The following HTR2A variants were observed in gnomAD, a reference collection of about 807,000 sequenced individuals.
HTR2A encodes 5-hydroxytryptamine receptor 2A, also known as 5-HT2 receptor.
A neutral mutation model predicts 31.0 loss-of-function variants in HTR2A; 14 were observed. The observed-to-expected ratio is 0.45, with a 90% CI of 0.30 to 0.71. The LOEUF (loss-of-function observed/expected upper bound fraction) is 0.71. Among genes scored for constraint, HTR2A ranks in the 30% least tolerant of loss-of-function variants. HTR2A has a pLI of 0.09. For synonymous variants in HTR2A, 209 were observed against 225.2 expected, an observed-to-expected ratio of 0.93 and a Z score of 0.64; for missense variants, 442 against 573.3, an observed-to-expected ratio of 0.77 and a Z score of 2.34.
At chr13:46,880,111 G>A (rs1950948668) in intron 3 of HTR2A, among the ~76,000 whole-genome samples, 1 of 152,190 alleles carries the variant, frequency 6.6e-6, no homozygotes. Flanking sequence ...AATTCGCAGA[G>A]TAAAATTTTC....
intron 3 of HTR2A, among the ~76,000 whole-genome samples, chr13:46,860,187 T>C (rs748179829): frequency 3.0e-4 from 45 of 152,156 alleles, no homozygotes; most frequent in Non-Finnish European, 6.2e-4. Flanking sequence ...TGTGTGTTGG[T>C]TGGTGTCTGT....
intron 3 of HTR2A, among the ~76,000 whole-genome samples, chr13:46,856,950 TCATC>T (rs1369866491): frequency 1.3e-5 from 2 of 152,156 alleles, no homozygotes; most frequent in African/African-American, 2.4e-5. Flanking sequence ...CCTAGCATCT[TCATC>T]CATTCAGGCT....
Position 46,892,544 on chromosome 13 carries a change from G to C in HTR2A, c.459C>G (p.Tyr153Ter), listed in dbSNP as rs1566321460. The C allele has an allele frequency of 1.2e-6, 2 of 1,614,084 alleles. No homozygotes were observed. Among genetic ancestry groups the C allele is most frequent in the Non-Finnish European group, 1.7e-6 (2 of 1,180,042 alleles). Residue 153 changes from tyrosine to a stop codon, truncating the protein, a stop_gained, in exon 3 of 4, where the codon TAC (tyrosine) becomes TAG (stop). Transcript: ENST00000542664. LOFTEE classifies it high-confidence loss of function. The part of the protein sequence containing the change: ...LPSKLCAVWI[Y>*]LDVLFSTASI... ...AGGCCGTGGAGAAGAGCACGTCCAG[G>C]TAAATCCAGACTGCACAAAGCTTGC...
intron 3 of HTR2A, among the ~76,000 whole-genome samples, chr13:46,870,763 A>T (rs1409598269): frequency 6.6e-6 from 1 of 152,204 alleles, no homozygotes; most frequent in African/African-American, 2.4e-5. Flanking sequence ...GATTAGTGAC[A>T]TTAGAGCTAA....
chr13:46,834,983 G>A lies in HTR2A; in HGVS notation c.1270C>T (p.Leu424Phe), dbSNP rs771799117. 6.2e-7 allele frequency: 1 copy of A among 1,614,110 alleles called. No individual in the cohort carries two copies. Among genetic ancestry groups the A allele is most frequent in the South Asian group, 1.1e-5 (1 of 91,082 alleles). ...GAATTCTTTTTTTGTCCCATTTGAAGTTGGCTAGACTTGTAGGCCAAAGCC... is the reference window on the plus strand; with the variant it reads ...GAATTCTTTTTTTGTCCCATTTGAAATTGGCTAGACTTGTAGGCCAAAGCC... ...IPALAYKSSQ[L>F]QMGQKKNSKQ... Residue 424 changes from leucine to phenylalanine, a missense_variant, in exon 4 of 4, where the codon CTT becomes TTT. Leu to Phe is a conservative substitution (Grantham distance 22). This residue lies in a region of HTR2A where 88 missense variants were observed against 83.1 expected (regional missense o/e 1.06). Coordinates refer to ENST00000542664, the MANE Select transcript of HTR2A (RefSeq NM_000621.5).
chr13:46,896,210 T>C lies in HTR2A; in HGVS notation c.-304A>G, dbSNP rs1195475482. The C allele has an allele frequency of 2.6e-6, 3 of 1,156,906 alleles. No individual in the cohort carries two copies. The highest frequency in any genetic ancestry group is 3.2e-6 in the Non-Finnish European group (3 of 941,304). 71.7% of individuals were successfully genotyped at this position (1,156,906 alleles called of 1,614,324 possible). A position where few individuals can be genotyped will look rare whatever the true frequency, so the allele number is the denominator to read the frequency against. On this transcript the variant is annotated 5_prime_UTR_variant, in exon 2 of 4. Transcript: ENST00000542664. Reference sequence around the variant, plus strand: ...TAGCATAGAGGTTGCAGGGTTTTTTTTGAGCGCTCGGGAAGATAAATGTCC... The same window carrying C: ...TAGCATAGAGGTTGCAGGGTTTTTTCTGAGCGCTCGGGAAGATAAATGTCC...
At position 46,852,985 on chromosome 13, in the gene HTR2A, A is replaced by C. The variant is rs190835500; in HGVS notation, c.614-17346T>G. On this transcript the variant is annotated intron_variant, in intron 3 of 3. Transcript: ENST00000542664. ...GTTCTAGGGCTTTTTTTTTTCCTATAAAGTTCCTGGTAATTCTTATCTGAT... is the reference window on the plus strand; with the variant it reads ...GTTCTAGGGCTTTTTTTTTTCCTATCAAGTTCCTGGTAATTCTTATCTGAT... Among the ~76,000 whole-genome samples the C allele has an allele frequency of 2.0e-4, 30 of 150,102 alleles. 1 individual carries two copies. In the South Asian group the frequency reaches 2.5e-3, roughly 13 times the overall value.
intron 3 of HTR2A, among the ~76,000 whole-genome samples, chr13:46,847,640 T>C (rs1344829085): frequency 6.6e-6 from 1 of 152,218 alleles, no homozygotes; most frequent in African/African-American, 2.4e-5. Flanking sequence ...TGGGTTCTTC[T>C]TTATTTCCAT....
At chr13:46,842,176 C>G (rs1284425206) in intron 3 of HTR2A, among the ~76,000 whole-genome samples, 1 of 152,166 alleles carries the variant, frequency 6.6e-6, no homozygotes, top group Non-Finnish European at 1.5e-5. Flanking sequence ...AGACCTGCCT[C>G]CTTCTTTTTT....
chr13:46,867,510 T>C (rs181707806), intron 3 of HTR2A, among the ~76,000 whole-genome samples: 2 of 152,348 alleles, frequency 1.3e-5, no homozygotes, highest in East Asian at 3.9e-4. Context: ...ATAAAACTGT[T>C]AGCCAATTCT....
chr13:46,880,050 T>C (rs1593441242), intron 3 of HTR2A, among the ~76,000 whole-genome samples: 2 of 151,856 alleles, frequency 1.3e-5, no homozygotes, highest in East Asian at 3.9e-4. Context: ...CTGATAGCAA[T>C]GAACAAGAGG....
intron 3 of HTR2A, among the ~76,000 whole-genome samples, chr13:46,886,718 G>GT (rs1278697213): frequency 6.6e-6 from 1 of 152,182 alleles, no homozygotes; most frequent in African/African-American, 2.4e-5. Flanking sequence ...AGATTCTGGA[G>GT]TGAAGGGAAG....
At chr13:46,852,547 C>T (rs1481375933) in intron 3 of HTR2A, among the ~76,000 whole-genome samples, 1 of 152,242 alleles carries the variant, frequency 6.6e-6, no homozygotes, top group Non-Finnish European at 1.5e-5. Context: ...TGATGCCATT[C>T]AGACTGATGT....
chr13:46,835,374 C>T lies in HTR2A; in HGVS notation c.879G>A (p.Lys293=), dbSNP rs2138337179. The T allele has an allele frequency of 1.2e-6, 2 of 1,613,950 alleles. No individual in the cohort carries two copies. Among genetic ancestry groups the T allele is most frequent in the East Asian group, 2.2e-5 (1 of 44,882 alleles). ...FLPQSSLSSE[K]LFQRSIHREP... ...CCCTATGGATCGACCGCTGGAAGAG[C>T]TTTTCTGAAGACAAAGAACTCTGAG... The change falls in exon 4 of 4, where the codon AAG becomes AAA. Residue 293 remains lysine, a synonymous_variant. Transcript: ENST00000542664.
At chr13:46,862,728 T>A (rs1274593122) in intron 3 of HTR2A, among the ~76,000 whole-genome samples, 1 of 152,180 alleles carries the variant, frequency 6.6e-6, no homozygotes, top group Non-Finnish European at 1.5e-5. Context: ...AATAGATAGC[T>A]TGTAATATGT....
chr13:46,883,699 G>A (rs1011611468), intron 3 of HTR2A, among the ~76,000 whole-genome samples: 11 of 152,044 alleles, frequency 7.2e-5, no homozygotes, highest in African/African-American at 1.4e-4. Context: ...TATACGTTGC[G>A]GTGAAGTCAC....
intron 3 of HTR2A, among the ~76,000 whole-genome samples, chr13:46,844,459 A>G (rs371341838): frequency 7.7e-4 from 118 of 152,306 alleles, no homozygotes; most frequent in African/African-American, 2.7e-3. Context: ...TTTGTATACT[A>G]CATAATTCGT....
chr13:46,862,105 T>C (rs1449696469), intron 3 of HTR2A, among the ~76,000 whole-genome samples: 3 of 152,214 alleles, frequency 2.0e-5, no homozygotes, highest in Non-Finnish European at 2.9e-5. Flanking sequence ...CTGTCCAAGT[T>C]TGTAAAACAG....
intron 3 of HTR2A, among the ~76,000 whole-genome samples, chr13:46,891,734 C>T (rs1951054321): frequency 6.6e-6 from 1 of 152,234 alleles, no homozygotes; most frequent in African/African-American, 2.4e-5. Flanking sequence ...GACCCGCCCC[C>T]TTAGCTTCCA....
Sources: allele counts gnomAD v4.1 joint callset (sites outside exome capture counted in the v4.1 genomes callset), GRCh38; gene constraint gnomAD v4.1.1; regional missense constraint gnomAD v4.1.1; transcripts MANE v1.5; gene names NCBI Gene and HGNC (gene_info 2026-07-23, HGNC 2026-07-21).